BNIP3: variants seen among roughly 807,000 people sequenced by gnomAD.
BNIP3 encodes the protein BCL2 interacting protein 3, also known as BCL2/adenovirus E1B 19 kDa protein-interacting protein 3.
Under a neutral mutation model 23.9 loss-of-function variants are expected in BNIP3, and 16 were observed. The ratio of observed to expected loss-of-function variants is 0.67; its 90% CI spans 0.45 to 1.01. The LOEUF (loss-of-function observed/expected upper bound fraction) is 1.01, where lower values mean the gene tolerates loss of function less well. BNIP3 is among the 50% of genes least tolerant of loss of function. The pLI is 0.00. For missense variants in BNIP3, 198 were observed against 248.7 expected (o/e 0.80, Z 1.37); for synonymous variants, 81 against 89.3 (o/e 0.91, Z 0.53).
At chr10:131,973,593 A>G in intron 2 of BNIP3, 200 bp downstream of exon 2, 1 of 657,052 alleles carries the variant, frequency 1.5e-6, no homozygotes, top group Non-Finnish European at 2.5e-6. Flanking sequence ...CTCCCCACAG[A>G]CTAAGTCCCA....
Position 131,976,282 on chromosome 10 carries a change from C to G in BNIP3, c.47-2339G>C, listed in dbSNP as rs1232969049. ...GTGGTGTCTCTTCTCTGATGCCACTCTTAACATCAAATGTGGGACACCAAG... is the reference window on the plus strand; with the variant it reads ...GTGGTGTCTCTTCTCTGATGCCACTGTTAACATCAAATGTGGGACACCAAG... On this transcript the variant is annotated intron_variant, in intron 1 of 5. Coordinates refer to ENST00000368636, the MANE Select transcript of BNIP3 (RefSeq NM_004052.4). The surrounding 1 kb of genome is among the most constrained non-coding windows in gnomAD (Gnocchi z 4.3). Among the ~76,000 whole-genome samples, 2 of 152,190 alleles carry G rather than the reference C, an allele frequency of 1.3e-5. No homozygotes were observed. Among genetic ancestry groups the G allele is most frequent in the Non-Finnish European group, 1.5e-5 (1 of 68,048 alleles).
intron 2 of BNIP3, 21 bp from the exon 3 acceptor site, chr10:131,973,139 G>A: frequency 6.2e-7 from 1 of 1,607,360 alleles, no homozygotes; most frequent in Non-Finnish European, 8.5e-7. Flanking sequence ...TGAATAGAAT[G>A]GGAAAAACAG....
intron 1 of BNIP3, among the ~76,000 whole-genome samples, chr10:131,978,454 G>T (rs2037096015): frequency 6.6e-6 from 1 of 151,154 alleles, no homozygotes; most frequent in South Asian, 2.1e-4. Context: ...TCCAGTGACA[G>T]ACTCCAGGGA....
intron 1 of BNIP3, among the ~76,000 whole-genome samples, 182 bp from the exon 2 acceptor site, chr10:131,974,125 C>G (rs4880263): frequency 6.6e-6 from 1 of 152,074 alleles, no homozygotes; most frequent in Non-Finnish European, 1.5e-5. Context: ...TGACTGTCCA[C>G]GCACACACTC....
chr10:131,980,196 G>A (rs907780767), intron 1 of BNIP3: 1 of 152,218 alleles, frequency 6.6e-6, no homozygotes, highest in Non-Finnish European at 1.5e-5. Flanking sequence ...TTGGAGAGAG[G>A]ACCGAGCCCC....
chr10:131,968,422 A>G lies in BNIP3; in HGVS notation c.*102T>C. On this transcript the variant is annotated 3_prime_UTR_variant, in exon 6 of 6. Coordinates refer to ENST00000368636, the MANE Select transcript of BNIP3 (RefSeq NM_004052.4). ...CGCAGCATTTACAGAACAAATAAAC[A>G]CAAGTGACGTGGCCACCCCAGGATC... 1.1e-6 allele frequency: 1 copy of G among 933,690 alleles called. No homozygotes were observed. The highest frequency in any genetic ancestry group is 2.5e-5 in the East Asian group (1 of 40,628). The allele number at this position is 933,690 out of a possible 1,614,324, so 57.8% of individuals were successfully genotyped here.
intron 1 of BNIP3, among the ~76,000 whole-genome samples, chr10:131,978,247 G>C (rs538950479): frequency 6.2e-4 from 94 of 151,964 alleles, no homozygotes; most frequent in African/African-American, 2.2e-3. Flanking sequence ...CCTATATCAA[G>C]GTAGATGAGA....
At chr10:131,979,672 T>TA (rs558244046) in intron 1 of BNIP3, among the ~76,000 whole-genome samples, 30 of 151,622 alleles carry the variant, frequency 2.0e-4, no homozygotes, top group African/African-American at 5.1e-4. Context: ...ACTGGGCTTG[T>TA]AAAAAAAAGG....
In BNIP3 at chr10:131,970,637, C is replaced by A. The variant is rs1449840871; in HGVS notation, c.539+1G>T. 6.2e-7 allele frequency: 1 copy of A among 1,613,714 alleles called. No homozygotes were observed. On this transcript the variant is annotated splice_donor_variant, in intron 5 of 5. Coordinates refer to ENST00000368636, the MANE Select transcript of BNIP3 (RefSeq NM_004052.4). LOFTEE classifies it high-confidence loss of function. The surrounding 1 kb of genome is among the most constrained non-coding windows in gnomAD (Gnocchi z 4.1). ...AGGAGTCACACAGTCACATCACCTA[C>A]CCCAATCCGATGGCCAGCAAATGAG...
At chr10:131,971,856 G>A (rs572068236) in intron 3 of BNIP3, among the ~76,000 whole-genome samples, 19 of 152,310 alleles carry the variant, frequency 1.2e-4, no homozygotes, top group South Asian at 6.2e-4. Context: ...GGATGTCCCT[G>A]AGAAAGCCTG....
At chr10:131,971,377 A>G (rs3737058) in intron 3 of BNIP3, 152,348 of 228,500 alleles carry the variant, frequency 0.67, 51,567 homozygotes, top group African/African-American at 0.79. Flanking sequence ...AAACAGGGAC[A>G]TGACGAAGGA....
chr10:131,975,242 T>C (rs1479056567), intron 1 of BNIP3, among the ~76,000 whole-genome samples: 2 of 152,238 alleles, frequency 1.3e-5, no homozygotes, highest in Non-Finnish European at 2.9e-5. Flanking sequence ...GGCTGCTTCC[T>C]GTGTCAGAAA....
Position 131,981,920 on chromosome 10 carries a change from G to T in BNIP3, c.-114C>A. 1 of 1,238,222 alleles carries T rather than the reference G, an allele frequency of 8.1e-7. No individual in the cohort carries two copies. Among genetic ancestry groups the T allele is most frequent in the Non-Finnish European group, 1.0e-6 (1 of 959,014 alleles). The allele number at this position is 1,238,222 out of a possible 1,614,324, so 76.7% of individuals were successfully genotyped here. On this transcript the variant is annotated 5_prime_UTR_variant, in exon 1 of 6. Coordinates refer to ENST00000368636, the MANE Select transcript of BNIP3 (RefSeq NM_004052.4). Reference sequence around the variant, plus strand: ...GCGCCGCGGCCCAGCTGCGCTCCCGGACTGAGCGGAGCCCCGCAGCCCGGC... The same window carrying T: ...GCGCCGCGGCCCAGCTGCGCTCCCGTACTGAGCGGAGCCCCGCAGCCCGGC...
At position 131,976,926 on chromosome 10, in the gene BNIP3, G is replaced by A. The variant is rs528159334; in HGVS notation, c.47-2983C>T. ...GAATAACGCACACACTGGTCAGGTT[G>A]TTCTGCCTATGGAGTCACCATCTTT... is the stretch of plus-strand genomic sequence containing the variant. On this transcript the variant is annotated intron_variant, in intron 1 of 5. Transcript: ENST00000368636. The surrounding 1 kb of genome is among the most constrained non-coding windows in gnomAD (Gnocchi z 4.3). Among the ~76,000 whole-genome samples, 2 of 152,298 alleles carry A rather than the reference G, an allele frequency of 1.3e-5. No individual in the cohort carries two copies. The highest frequency in any genetic ancestry group is 4.1e-4 in the South Asian group (2 of 4,824).
chr10:131,973,644 G>T, intron 2 of BNIP3, 149 bp downstream of exon 2: 1 of 1,050,552 alleles, frequency 9.5e-7, no homozygotes, highest in Non-Finnish European at 1.4e-6. Context: ...CCTATATAAG[G>T]ACGGACTGCA....
intron 1 of BNIP3, among the ~76,000 whole-genome samples, chr10:131,977,648 G>A (rs2037090302): frequency 6.6e-6 from 1 of 152,078 alleles, no homozygotes; most frequent in South Asian, 2.1e-4. Context: ...CACTAGAGAG[G>A]AGCCCCTATG....
chr10:131,974,552 T>TTCCTTACAAGAAGG (rs2037065805), intron 1 of BNIP3, among the ~76,000 whole-genome samples: 1 of 152,188 alleles, frequency 6.6e-6, no homozygotes, highest in Non-Finnish European at 1.5e-5. Context: ...TACTCCTGGC[T>TTCCTTACAAGAAGG]ATTTTTTTTA....
At position 131,973,897 on chromosome 10, in the gene BNIP3, G is replaced by A. The variant is rs1326212266; in HGVS notation, c.93C>T (p.Ser31=). The change falls in exon 2 of 6, where the codon AGC becomes AGT. Residue 31 remains serine, a synonymous_variant. Coordinates refer to ENST00000368636, the MANE Select transcript of BNIP3 (RefSeq NM_004052.4). The part of the protein sequence containing the change: ...LHFSNNGNGG[S]VPASVSIYNG... Reference sequence around the variant, plus strand: ...TATAAATAGAAACCGAGGCTGGAACGCTGCCCCCGTTCCCATTATTGCTGA... The same window carrying A: ...TATAAATAGAAACCGAGGCTGGAACACTGCCCCCGTTCCCATTATTGCTGA... 1.9e-6 allele frequency: 3 copies of A among 1,613,404 alleles called. No homozygotes were observed. Among genetic ancestry groups the A allele is most frequent in the African/African-American group, 1.3e-5 (1 of 74,908 alleles).
intron 2 of BNIP3, 102 bp downstream of exon 2, chr10:131,973,688 ACAG>A (rs1351355948): frequency 1.3e-6 from 2 of 1,506,330 alleles, no homozygotes. Flanking sequence ...CCCGAGGCGA[ACAG>A]CAGCCCACTG....
Sources: allele counts gnomAD v4.1 joint callset (sites outside exome capture counted in the v4.1 genomes callset), GRCh38; gene constraint gnomAD v4.1.1; non-coding constraint Gnocchi (gnomAD v3.1); transcripts MANE v1.5; gene names NCBI Gene and HGNC (gene_info 2026-07-23, HGNC 2026-07-21).